MYDGF: variants seen among roughly 807,000 people sequenced by gnomAD.
MYDGF encodes the protein myeloid-derived growth factor.
MYDGF carries 29 observed loss-of-function variants against 24.2 expected under a neutral mutation model. The observed-to-expected ratio is 1.20, with a 90% CI of 0.89 to 1.63. The LOEUF is 1.63. Among genes scored for constraint, MYDGF ranks in the 40% most tolerant of loss-of-function variants. MYDGF has a pLI of 0.00. For missense variants in MYDGF, 245 were observed against 234.8 expected (o/e 1.04, Z -0.29); for synonymous variants, 105 against 102.5 (o/e 1.02, Z -0.15).
chr19:4,667,206 G>A (rs1350685106), intron 2 of MYDGF, among the ~76,000 whole-genome samples: 1 of 143,714 alleles, frequency 7.0e-6, no homozygotes, highest in Non-Finnish European at 1.5e-5. Flanking sequence ...TTGGCTCGCT[G>A]CAAGCTCCGC....
intron 2 of MYDGF, among the ~76,000 whole-genome samples, chr19:4,668,318 A>T (rs2088535992): frequency 6.6e-6 from 1 of 152,198 alleles, no homozygotes. Context: ...CACTGCACAT[A>T]AAATACAACA....
chr19:4,660,725 A>T lies in MYDGF; in HGVS notation c.313T>A (p.Phe105Ile), dbSNP rs2088463765. Reference protein sequence around the residue: ...WRPQGKSYLYFTQFKAEVRGA... With the variant: ...WRPQGKSYLYITQFKAEVRGA... ...CGCACCTCTGCCTTGAACTGTGTGAAGTACAGATAGGACTTCCCCTGGGGC... is the reference window on the plus strand; with the variant it reads ...CGCACCTCTGCCTTGAACTGTGTGATGTACAGATAGGACTTCCCCTGGGGC... The change falls in exon 4 of 6, where the codon TTC becomes ATC. Residue 105 changes from phenylalanine to isoleucine, a missense_variant. Phe to Ile is a conservative substitution (Grantham distance 21, BLOSUM62 0). Coordinates refer to ENST00000262947, the MANE Select transcript of MYDGF (RefSeq NM_019107.4). The T allele has an allele frequency of 6.2e-7, 1 of 1,613,830 alleles. No homozygotes were observed. The highest frequency in any genetic ancestry group is 1.1e-5 in the South Asian group (1 of 91,066).
intron 3 of MYDGF, among the ~76,000 whole-genome samples, chr19:4,662,766 G>A (rs998285756): frequency 6.6e-6 from 1 of 152,000 alleles, no homozygotes; most frequent in East Asian, 1.9e-4. Context: ...AACAGCTGGG[G>A]CCCCTTCTGG....
At chr19:4,666,841 T>C (rs10418838) in intron 2 of MYDGF, among the ~76,000 whole-genome samples, 56,009 of 151,978 alleles carry the variant, frequency 0.37, 12,551 homozygotes, top group African/African-American at 0.64. Context: ...CGAGGCAGGC[T>C]GATCATTTGA....
At chr19:4,665,816 G>A (rs1250104614) in intron 2 of MYDGF, among the ~76,000 whole-genome samples, 1 of 76,410 alleles carries the variant, frequency 1.3e-5, no homozygotes, top group African/African-American at 4.3e-5. Context: ...GCGAGACTCT[G>A]TCTCAAAAAA....
intron 1 of MYDGF, among the ~76,000 whole-genome samples, chr19:4,669,738 TGGAA>T (rs1568289013): frequency 6.6e-6 from 1 of 152,014 alleles, no homozygotes; most frequent in African/African-American, 2.4e-5. Flanking sequence ...CCTTGTGCAA[TGGAA>T]GGAAGGAGCA....
chr19:4,665,591 G>A (rs953398212), intron 2 of MYDGF, among the ~76,000 whole-genome samples: 3 of 152,020 alleles, frequency 2.0e-5, no homozygotes, highest in Admixed American at 1.3e-4. Flanking sequence ...GGAGGCCGAG[G>A]CAGGCAGATC....
At position 4,668,813 on chromosome 19, in the gene MYDGF, C is replaced by G. The variant is rs1599840905; in HGVS notation, c.175-168G>C. 5 of 553,656 alleles carry G rather than the reference C, an allele frequency of 9.0e-6. No individual in the cohort carries two copies. In the East Asian group the frequency reaches 1.3e-4, roughly 14 times the overall value. 34.3% of individuals were successfully genotyped at this position (553,656 alleles called of 1,614,324 possible). Reference sequence around the variant, plus strand: ...CCTCTTGCCTCAGCCTCTCAAGTAACTGAGACAATAGGTACGCAACCACCA... The same window carrying G: ...CCTCTTGCCTCAGCCTCTCAAGTAAGTGAGACAATAGGTACGCAACCACCA... On this transcript the variant is annotated intron_variant, in intron 1 of 5. Transcript: ENST00000262947.
chr19:4,667,121 C>CTTTTTTTT (rs57093750), intron 2 of MYDGF, among the ~76,000 whole-genome samples: 6 of 102,188 alleles, frequency 5.9e-5, no homozygotes, highest in Admixed American at 1.2e-4. Context: ...TCAAATCACC[C>CTTTTTTTT]TTTTTTTTTT....
Position 4,657,768 on chromosome 19 carries a change from C to A in MYDGF, c.*237G>T. 2 of 405,296 alleles carry A rather than the reference C, an allele frequency of 4.9e-6. No homozygotes were observed. The highest frequency in any genetic ancestry group is 7.1e-5 in the Admixed American group (2 of 28,268). 25.1% of individuals were successfully genotyped at this position (405,296 alleles called of 1,614,324 possible). A position where few individuals can be genotyped will look rare whatever the true frequency, so the allele number is the denominator to read the frequency against. ...ATCTGCGATCCTGAGTCCAGAAGAG[C>A]TCAGCAGGAAGTGGGAACTGAGAAG... On this transcript the variant is annotated 3_prime_UTR_variant, in exon 6 of 6. Coordinates refer to ENST00000262947, the MANE Select transcript of MYDGF (RefSeq NM_019107.4).
chr19:4,663,876 C>T (rs1008794213), intron 3 of MYDGF, among the ~76,000 whole-genome samples: 6 of 149,620 alleles, frequency 4.0e-5, no homozygotes, highest in East Asian at 2.0e-4. Context: ...CCCCAACCCC[C>T]GACTCCATCC....
intron 2 of MYDGF, 59 bp downstream of exon 2, chr19:4,668,536 A>AGAT (rs1415005062): frequency 2.7e-6 from 4 of 1,470,516 alleles, no homozygotes; most frequent in Non-Finnish European, 2.9e-6. Context: ...GCTACAGAAC[A>AGAT]TCTCCCTACA....
intron 1 of MYDGF, among the ~76,000 whole-genome samples, chr19:4,669,549 C>T (rs528009382): frequency 2.0e-5 from 3 of 152,170 alleles, no homozygotes; most frequent in Admixed American, 2.0e-4. Context: ...ACCCAGAAGG[C>T]TAAGGATGCA....
At chr19:4,658,389 G>A (rs10426372) in intron 5 of MYDGF, among the ~76,000 whole-genome samples, 20,250 of 152,200 alleles carry the variant, frequency 0.13, 3,231 homozygotes, top group African/African-American at 0.38. Context: ...GCAGAAAGGG[G>A]CCAGAAGAAG....
At chr19:4,659,577 G>GT in intron 5 of MYDGF, 1 of 447,336 alleles carries the variant, frequency 2.2e-6, no homozygotes, top group Non-Finnish European at 3.9e-6. Flanking sequence ...GCCCAGGCTG[G>GT]TCTTGACCTC....
chr19:4,660,901 C>G, intron 3 of MYDGF, 151 bp from the exon 4 acceptor site: 1 of 547,870 alleles, frequency 1.8e-6, no homozygotes, highest in South Asian at 2.4e-5. Context: ...GCACGAGCAC[C>G]TGCTGACTGG....
chr19:4,669,390 G>A (rs975657925), intron 1 of MYDGF, among the ~76,000 whole-genome samples: 3 of 152,208 alleles, frequency 2.0e-5, no homozygotes, highest in Non-Finnish European at 4.4e-5. Flanking sequence ...GGCAGAGGTT[G>A]CAGTGAGCCA....
intron 3 of MYDGF, 128 bp from the exon 4 acceptor site, chr19:4,660,878 A>G (rs2088465229): frequency 1.7e-6 from 1 of 600,270 alleles, no homozygotes; most frequent in African/African-American, 1.9e-5. Context: ...CTCAACATGG[A>G]CGCCATTCCC....
intron 2 of MYDGF, among the ~76,000 whole-genome samples, chr19:4,667,278 A>G (rs2088529366): frequency 6.6e-6 from 1 of 151,722 alleles, no homozygotes; most frequent in Non-Finnish European, 1.5e-5. Flanking sequence ...ACAGGTGCCC[A>G]CCAAAACACC....
Sources: allele counts gnomAD v4.1 joint callset (sites outside exome capture counted in the v4.1 genomes callset), GRCh38; gene constraint gnomAD v4.1.1; transcripts MANE v1.5; gene names NCBI Gene and HGNC (gene_info 2026-07-23, HGNC 2026-07-21).